The following PLCD3 variants were observed in gnomAD, a reference collection of about 807,000 sequenced individuals.
PLCD3 encodes the protein phospholipase C delta 3.
Under a neutral mutation model 82.8 loss-of-function variants are expected in PLCD3, and 62 were observed. The observed-to-expected ratio is 0.75, with a 90% confidence interval of 0.61 to 0.93. The LOEUF is 0.93. Ranked by LOEUF, PLCD3 falls within the 40% of genes least tolerant of loss-of-function variation. The pLI, the probability that PLCD3 is intolerant of heterozygous loss-of-function variation, is 0.00. For synonymous variants in PLCD3, 478 were observed against 471.8 expected, an observed-to-expected ratio of 1.01 and a Z score of -0.17; for missense variants, 1,023 against 1,103.4, an observed-to-expected ratio of 0.93 and a Z score of 1.03.
At position 45,116,158 on chromosome 17, in the gene PLCD3, G is replaced by A. The variant is rs546038634; in HGVS notation, c.1413+474C>T. On this transcript the variant is annotated intron_variant, in intron 8 of 14. Coordinates refer to ENST00000619929, the MANE Select transcript of PLCD3 (RefSeq NM_133373.5). ...TAAATGTCTGGAGAGAGCCGAGGAC[G>A]CGCTCTGGTGTCTGGGGGAGAGCAG... 3.9e-5 allele frequency among the ~76,000 whole-genome samples: 6 copies of A among 152,350 alleles called. 1 individual carries two copies. The South Asian group carries it at 8.3e-4, about 21-fold the overall frequency.
Position 45,115,411 on chromosome 17 carries a change from C to T in PLCD3, c.1493G>A (p.Arg498Gln), listed in dbSNP as rs753886887. The change falls in exon 9 of 15, where the codon CGG becomes CAG. Residue 498 changes from arginine to glutamine, a missense_variant. Physicochemically the swap from Arg to Gln is conservative, Grantham distance 43. Coordinates refer to ENST00000619929, the MANE Select transcript of PLCD3 (RefSeq NM_133373.5). ...CTCGTCATCCTCCTCCTCCTCCTCC[C>T]GATCCGACAGAGCCCGGCCATCCTC... Reference protein sequence around the residue: ...RSEDGRALSDREEEEEDDEEE... With the variant: ...RSEDGRALSDQEEEEEDDEEE... 1.9e-5 allele frequency: 31 copies of T among 1,611,226 alleles called. No homozygotes were observed. The highest frequency in any genetic ancestry group is 1.1e-4 in the East Asian group (5 of 44,780).
Position 45,119,027 on chromosome 17 carries a change from T to C in PLCD3, c.701A>G (p.Asn234Ser), listed in dbSNP as rs2054316277. The C allele has an allele frequency of 6.2e-7, 1 of 1,609,662 alleles. No individual in the cohort carries two copies. Among genetic ancestry groups the C allele is most frequent in the Non-Finnish European group, 8.5e-7 (1 of 1,178,470 alleles). The change falls in exon 5 of 15, where the codon AAC (asparagine) becomes AGC (serine). Residue 234 changes from asparagine to serine, a missense_variant. By Grantham distance (46) the Asn-to-Ser change is conservative. Coordinates refer to ENST00000619929, the MANE Select transcript of PLCD3 (RefSeq NM_133373.5). ...CTCAGCCCCCTCTAGACGGTCGTTG[T>C]TGGAGTGGTCACACTCCTGGGGAGC... ...YLLFKECDHSNNDRLEGAEIE... is the reference protein window; with the variant it reads ...YLLFKECDHSSNDRLEGAEIE...
chr17:45,112,339 C>T lies in PLCD3; in HGVS notation c.*277G>A, dbSNP rs994669718. The T allele has an allele frequency of 2.1e-6, 1 of 480,880 alleles. No individual in the cohort carries two copies. Among genetic ancestry groups the T allele is most frequent in the Non-Finnish European group, 3.8e-6 (1 of 262,608 alleles). The allele number at this position is 480,880 out of a possible 1,614,324, so 29.8% of individuals were successfully genotyped here. Reference sequence around the variant, plus strand: ...CAACAGGCTTGCTCCTCATAAGTCACAATGAGGGGTGGGCTGAGGACAAGA... The same window carrying T: ...CAACAGGCTTGCTCCTCATAAGTCATAATGAGGGGTGGGCTGAGGACAAGA... On this transcript the variant is annotated 3_prime_UTR_variant, in exon 15 of 15. Transcript: ENST00000619929.
At chr17:45,128,195 C>G (rs1203587909) in intron 1 of PLCD3, among the ~76,000 whole-genome samples, 1 of 152,316 alleles carries the variant, frequency 6.6e-6, no homozygotes, top group Admixed American at 6.5e-5. Flanking sequence ...CATAACATTC[C>G]TTGGAGAATC....
At chr17:45,116,323 AG>A (rs2054291238) in intron 8 of PLCD3, among the ~76,000 whole-genome samples, 1 of 152,150 alleles carries the variant, frequency 6.6e-6, no homozygotes, top group African/African-American at 2.4e-5. Context: ...GAAAGTGTCA[AG>A]CGGGGCCTTG....
At chr17:45,129,549 G>A (rs2054404580) in intron 1 of PLCD3, among the ~76,000 whole-genome samples, 2 of 152,252 alleles carry the variant, frequency 1.3e-5, no homozygotes, top group Admixed American at 1.3e-4. Flanking sequence ...CAGCAGGCAG[G>A]CATGTGGCCT....
At chr17:45,119,320 T>A (rs945456108) in intron 4 of PLCD3, among the ~76,000 whole-genome samples, 2 of 152,242 alleles carry the variant, frequency 1.3e-5, no homozygotes, top group Non-Finnish European at 2.9e-5. Flanking sequence ...TTCCAACGCG[T>A]GATCTCAAGT....
chr17:45,112,537 C>T lies in PLCD3; in HGVS notation c.*79G>A. 1 of 1,436,212 alleles carries T rather than the reference C, an allele frequency of 7.0e-7. No individual in the cohort carries two copies. The highest frequency in any genetic ancestry group is 9.6e-7 in the Non-Finnish European group (1 of 1,045,410). 89.0% of individuals were successfully genotyped at this position (1,436,212 alleles called of 1,614,324 possible). Reference sequence around the variant, plus strand: ...GCTGGGGGGCTGGTACTCCCACCACCTGACTCCAGAGGAGGAGAGGGCTCT... The same window carrying T: ...GCTGGGGGGCTGGTACTCCCACCACTTGACTCCAGAGGAGGAGAGGGCTCT... On this transcript the variant is annotated 3_prime_UTR_variant, in exon 15 of 15. Coordinates refer to ENST00000619929, the MANE Select transcript of PLCD3 (RefSeq NM_133373.5).
chr17:45,117,530 G>A (rs894443658), intron 7 of PLCD3, among the ~76,000 whole-genome samples: 14 of 152,300 alleles, frequency 9.2e-5, no homozygotes, highest in Admixed American at 7.2e-4. Context: ...GTGAGCCACC[G>A]CACCTGGTCC....
chr17:45,116,588 C>T, intron 8 of PLCD3, 44 bp downstream of exon 8: 1 of 1,513,652 alleles, frequency 6.6e-7, no homozygotes, highest in Admixed American at 2.0e-5. Context: ...GGCGGACTCC[C>T]ACCAGACCTC....
At chr17:45,131,756 T>G (rs1259220259) in intron 1 of PLCD3, among the ~76,000 whole-genome samples, 4 of 152,214 alleles carry the variant, frequency 2.6e-5, no homozygotes, top group African/African-American at 9.6e-5. Context: ...GTTAGACCAG[T>G]CCTGCCAGAG....
chr17:45,126,021 A>C (rs2054378560), intron 1 of PLCD3, among the ~76,000 whole-genome samples: 1 of 151,452 alleles, frequency 6.6e-6, no homozygotes, highest in Non-Finnish European at 1.5e-5. Context: ...GCAATGGCCA[A>C]TTTCATTATA....
chr17:45,121,968 A>C (rs955069087), intron 1 of PLCD3, among the ~76,000 whole-genome samples: 13 of 151,126 alleles, frequency 8.6e-5, no homozygotes, highest in African/African-American at 2.9e-4. Flanking sequence ...ACAAAAAAAA[A>C]AAAAAATTGC....
At chr17:45,115,538 G>A (rs2054283520) in intron 8 of PLCD3, 48 bp from the exon 9 acceptor site, 2 of 1,514,106 alleles carry the variant, frequency 1.3e-6, no homozygotes, top group African/African-American at 1.4e-5. Context: ...TCTCGCCCCT[G>A]TGGCAGCCAG....
rs1336247914 is a variant in PLCD3, at chr17:45,113,198, G to A, written c.2055C>T (p.Asp685=). The A allele has an allele frequency of 6.2e-7, 1 of 1,611,622 alleles. No homozygotes were observed. The highest frequency in any genetic ancestry group is 1.7e-5 in the Admixed American group (1 of 59,686). Residue 685 remains aspartate (D), a synonymous_variant, in exon 13 of 15, where the codon GAC becomes GAT. Transcript: ENST00000619929. ...CATGGATCTCAATGCGCACCAGGGG[G>A]TCCACAATGGAGTGTGGCTTCTCGG... The part of the protein sequence containing the change: ...LNAEKPHSIV[D]PLVRIEIHGV...
intron 1 of PLCD3, among the ~76,000 whole-genome samples, chr17:45,130,743 A>G (rs1487220654): frequency 6.9e-6 from 1 of 145,040 alleles, no homozygotes; most frequent in Non-Finnish European, 1.5e-5. Flanking sequence ...CTCCACACTC[A>G]CTCCTGCCCA....
rs114885656 is a variant in PLCD3 at position 45,127,299 on chromosome 17, A to G, written c.163+4949T>C. ...CCAGGACAGCGGCACCTCCCGCCCA[A>G]TTCAGTGTTGTCAGCTGGGGCTCAG... On this transcript the variant is annotated intron_variant, in intron 1 of 14. Coordinates refer to ENST00000619929, the MANE Select transcript of PLCD3 (RefSeq NM_133373.5). Among the ~76,000 whole-genome samples the G allele has an allele frequency of 3.8e-3, 584 of 152,290 alleles. 2 individuals are homozygous for G. The highest frequency in any genetic ancestry group is 0.014 in the African/African-American group (562 of 41,556).
rs2054474990 is a variant in PLCD3, at chr17:45,132,375, C to A, written c.36G>T (p.Pro12=). The A allele has an allele frequency of 8.1e-7, 1 of 1,228,176 alleles. No individual in the cohort carries two copies. The highest frequency in any genetic ancestry group is 3.2e-5 in the East Asian group (1 of 31,452). The allele number at this position is 1,228,176 out of a possible 1,614,324, so 76.1% of individuals were successfully genotyped here. ...GGGCGGCCACCGGGGGCTCCTCGGG[C>A]GGGCGGCGGCAACGCCTCCAGCGGC... ...LCGRWRRCRR[P]PEEPPVAAQV... is the part of the protein sequence containing the mutation. Residue 12 remains proline, a synonymous_variant, in exon 1 of 15, where the codon CCG becomes CCT. Coordinates refer to ENST00000619929, the MANE Select transcript of PLCD3 (RefSeq NM_133373.5). This position sits in a 1 kb window ranked among gnomAD's most constrained non-coding sequence, Gnocchi z 4.6.
chr17:45,115,743 CAGG>C lies in PLCD3; in HGVS notation c.1414-256_1414-254del, dbSNP rs1159720308. ...AGCCACTACAATGCACGCGACAGCTCAGGACTGAAAGGAAAGGGACCCTCTTCA... is the reference window on the plus strand; with the variant it reads ...AGCCACTACAATGCACGCGACAGCTCACTGAAAGGAAAGGGACCCTCTTCA... On this transcript the variant is annotated intron_variant, in intron 8 of 14. Coordinates refer to ENST00000619929, the MANE Select transcript of PLCD3 (RefSeq NM_133373.5). Among the ~76,000 whole-genome samples the C allele has an allele frequency of 4.6e-5, 7 of 152,188 alleles. No individual in the cohort carries two copies. In the East Asian group the frequency reaches 1.3e-3, roughly 29 times the overall value.
Sources: gnomAD v4.1 joint callset for allele counts (sites outside exome capture counted in the v4.1 genomes callset) on GRCh38, gnomAD v4.1.1 for gene constraint, Gnocchi (gnomAD v3.1) non-coding constraint, MANE v1.5 for transcripts, NCBI Gene and HGNC (gene_info 2026-07-23, HGNC 2026-07-21) for gene names.